Variants in ULK4 observed in about 807,000 individuals in gnomAD.
ULK4 encodes unc-51 like kinase 4, also known as inactive serine/threonine-protein kinase ULK4.
In ULK4, 133 loss-of-function variants were observed where a neutral mutation model predicts 160.6. The observed-to-expected ratio is 0.83, with a 90% CI of 0.72 to 0.96. ULK4 has a LOEUF of 0.96. Ranked by LOEUF, ULK4 falls within the 40% of genes least tolerant of loss-of-function variation. The pLI is 0.00. For missense variants in ULK4, 1,580 were observed against 1,499.5 expected (o/e 1.05, Z -0.89); for synonymous variants, 534 against 539.8 (o/e 0.99, Z 0.15).
chr3:41,704,532 T>C (rs2036800581), intron 27 of ULK4, among the ~76,000 whole-genome samples: 1 of 152,188 alleles, frequency 6.6e-6, no homozygotes, highest in Admixed American at 6.5e-5. Flanking sequence ...GCAGCTCACC[T>C]AAGGATCCTT....
intron 35 of ULK4, among the ~76,000 whole-genome samples, chr3:41,303,810 G>A (rs746002941): frequency 2.6e-4 from 39 of 152,098 alleles, no homozygotes; most frequent in Non-Finnish European, 4.4e-4. Flanking sequence ...GCAGCCTGCA[G>A]TAGTATCTGG....
At chr3:41,792,414 TA>T (rs1364741484) in intron 20 of ULK4, among the ~76,000 whole-genome samples, 4 of 151,788 alleles carry the variant, frequency 2.6e-5, no homozygotes, top group East Asian at 2.0e-4. Context: ...GTATTTTTTT[TA>T]AAAAAAAGAT....
intron 32 of ULK4, among the ~76,000 whole-genome samples, chr3:41,516,823 G>A (rs1367338233): frequency 6.6e-6 from 1 of 152,152 alleles, no homozygotes. Flanking sequence ...TAAATAAAGT[G>A]TGTAATTGGT....
In ULK4 at chr3:41,647,872, T is replaced by C. The variant is rs549697709; in HGVS notation, c.3071+15735A>G. Among the ~76,000 whole-genome samples, 146 of 152,346 alleles carry C rather than the reference T, an allele frequency of 9.6e-4. 9 individuals carry two copies. The South Asian group carries it at 0.028, about 29-fold the overall frequency. ...ACCCAGTTTGAGCTTCCCAGCTGCT[T>C]TGTGTACCTACGCAAGCCTGAGCAA... On this transcript the variant is annotated intron_variant, in intron 30 of 36. Coordinates refer to ENST00000301831, the MANE Select transcript of ULK4 (RefSeq NM_017886.4).
At chr3:41,452,093 A>T (rs1335960294) in intron 34 of ULK4, among the ~76,000 whole-genome samples, 2 of 152,060 alleles carry the variant, frequency 1.3e-5, no homozygotes, top group Non-Finnish European at 2.9e-5. Context: ...GAATCTTCTG[A>T]TTTTGATCTT....
intron 22 of ULK4, among the ~76,000 whole-genome samples, chr3:41,744,925 A>C (rs987299963): frequency 6.6e-6 from 1 of 151,742 alleles, no homozygotes; most frequent in Non-Finnish European, 1.5e-5. Flanking sequence ...AAAAATCTCT[A>C]AATATGTGGA....
chr3:41,768,245 C>A (rs1398266751), intron 21 of ULK4, among the ~76,000 whole-genome samples: 1 of 152,110 alleles, frequency 6.6e-6, no homozygotes, highest in African/African-American at 2.4e-5. Flanking sequence ...AGGGTGGAGA[C>A]CACTGGTTTG....
chr3:41,349,848 T>C (rs1398852956), intron 35 of ULK4, among the ~76,000 whole-genome samples: 1 of 152,186 alleles, frequency 6.6e-6, no homozygotes, highest in East Asian at 1.9e-4. Flanking sequence ...AATAGCTTAA[T>C]TTTTCTATAA....
chr3:41,962,028 T>G lies in ULK4; in HGVS notation c.-61A>C, dbSNP rs1700694879. ...CACTGCCACGCACCTGGTAGCTAAGTCAAGAAAAGAGTCCAGTCCACTTGG... is the reference window on the plus strand; with the variant it reads ...CACTGCCACGCACCTGGTAGCTAAGGCAAGAAAAGAGTCCAGTCCACTTGG... On this transcript the variant is annotated 5_prime_UTR_variant, in exon 1 of 37. It removes the in-frame stop codon of an upstream open reading frame in the 5' UTR. Coordinates refer to ENST00000301831, the MANE Select transcript of ULK4 (RefSeq NM_017886.4). 1 of 152,452 alleles carries G rather than the reference T, an allele frequency of 6.6e-6. No homozygotes were observed. Among genetic ancestry groups the G allele is most frequent in the South Asian group, 2.1e-4 (1 of 4,836 alleles). The allele number at this position is 152,452 out of a possible 1,614,324, so 9.4% of individuals were successfully genotyped here.
intron 35 of ULK4, among the ~76,000 whole-genome samples, chr3:41,328,761 C>G (rs1339950845): frequency 1.3e-5 from 2 of 152,084 alleles, no homozygotes; most frequent in East Asian, 3.9e-4. Context: ...AAGGGTGAGG[C>G]TGGCTCTGGG....
chr3:41,493,676 T>C lies in ULK4; in HGVS notation c.3227-30423A>G, dbSNP rs1331623504. On this transcript the variant is annotated intron_variant, in intron 32 of 36. Transcript: ENST00000301831. ...GAAAGGATCAACAAAATTGATAGAC[T>C]GCTAGCAAGACTAATAAACAAAAAA... 6.0e-5 allele frequency among the ~76,000 whole-genome samples: 9 copies of C among 150,510 alleles called. No individual in the cohort carries two copies. In the South Asian group the frequency reaches 6.4e-4, roughly 11 times the overall value.
intron 19 of ULK4, among the ~76,000 whole-genome samples, chr3:41,804,589 T>A (rs2040580323): frequency 6.6e-6 from 1 of 151,884 alleles, no homozygotes; most frequent in South Asian, 2.1e-4. Flanking sequence ...TTGCCTAGGT[T>A]GTCTTCTAGG....
At chr3:41,614,136 T>C (rs1417174322) in intron 31 of ULK4, among the ~76,000 whole-genome samples, 2 of 152,240 alleles carry the variant, frequency 1.3e-5, no homozygotes, top group African/African-American at 4.8e-5. Context: ...CTTGAGATGA[T>C]TGCCGAAGAT....
intron 32 of ULK4, among the ~76,000 whole-genome samples, chr3:41,533,028 G>GTCT (rs2086375842): frequency 1.3e-5 from 2 of 152,154 alleles, no homozygotes; most frequent in East Asian, 3.8e-4. Flanking sequence ...CACTCAGGCC[G>GTCT]TCTTCAAATA....
At chr3:41,892,844 C>T (rs1698014409) in intron 16 of ULK4, among the ~76,000 whole-genome samples, 1 of 152,192 alleles carries the variant, frequency 6.6e-6, no homozygotes, top group Admixed American at 6.5e-5. Context: ...TCTTCCTCAC[C>T]CTTCCTTGAT....
At chr3:41,717,971 T>C (rs966264650) in intron 22 of ULK4, 110 bp from the exon 23 acceptor site, 18 of 1,299,202 alleles carry the variant, frequency 1.4e-5, no homozygotes, top group African/African-American at 1.5e-5. Context: ...CCCAATCATA[T>C]TGACGTTTAG....
chr3:41,830,607 G>T (rs1441389982), intron 18 of ULK4, among the ~76,000 whole-genome samples: 1 of 151,930 alleles, frequency 6.6e-6, no homozygotes, highest in Non-Finnish European at 1.5e-5. Context: ...CAAGCAGGGG[G>T]CAGGGATGAA....
intron 20 of ULK4, among the ~76,000 whole-genome samples, chr3:41,793,605 C>G (rs184922326): frequency 6.6e-6 from 1 of 152,246 alleles, no homozygotes; most frequent in African/African-American, 2.4e-5. Context: ...CCCCTCCAAC[C>G]CTAGTGAGAA....
chr3:41,833,921 T>C (rs1013772997), intron 18 of ULK4, among the ~76,000 whole-genome samples: 6 of 152,112 alleles, frequency 3.9e-5, no homozygotes, highest in African/African-American at 1.4e-4. Flanking sequence ...TTCCTAACAG[T>C]GTATAACTAT....
Sources: gnomAD v4.1 joint callset for allele counts (sites outside exome capture counted in the v4.1 genomes callset) on GRCh38, gnomAD v4.1.1 for gene constraint, MANE v1.5 for transcripts, NCBI Gene and HGNC (gene_info 2026-07-23, HGNC 2026-07-21) for gene names.